ARHGAP24: variants seen among roughly 807,000 people sequenced by gnomAD.
The protein encoded by ARHGAP24 is rho GTPase-activating protein 24.
In ARHGAP24, 50 loss-of-function variants were observed where a neutral mutation model predicts 76.4. That is an observed-to-expected ratio of 0.65 (90% CI 0.52 to 0.83). The LOEUF (loss-of-function observed/expected upper bound fraction) is 0.83. Ranked by LOEUF, ARHGAP24 falls within the 40% of genes least tolerant of loss-of-function variation. ARHGAP24 has a pLI of 0.00. For synonymous variants in ARHGAP24, 345 were observed against 323.3 expected, an observed-to-expected ratio of 1.07 and a Z score of -0.72; for missense variants, 930 against 914.2, an observed-to-expected ratio of 1.02 and a Z score of -0.22.
chr4:85,574,093 G>GT (rs1191510164), intron 2 of ARHGAP24, among the ~76,000 whole-genome samples: 1 of 151,820 alleles, frequency 6.6e-6, no homozygotes, highest in East Asian at 1.9e-4. Flanking sequence ...CTTGCTTTTT[G>GT]TTTTTTTACT....
chr4:85,516,950 T>C lies in ARHGAP24; in HGVS notation c.-21+41391T>C, dbSNP rs186928910. 3.1e-3 allele frequency among the ~76,000 whole-genome samples: 475 copies of C among 152,312 alleles called. 2 individuals carry two copies. Among genetic ancestry groups the C allele is most frequent in the African/African-American group, 0.011 (439 of 41,592 alleles). ...AATTCATTTGTAGTTTACTCTGGTA[T>C]GTAGTGTGAGATATGGATCCACTTT... On this transcript the variant is annotated intron_variant, in intron 1 of 9. Coordinates refer to ENST00000395184, the MANE Select transcript of ARHGAP24 (RefSeq NM_001025616.3).
At chr4:85,883,935 A>C (rs1003178663) in intron 3 of ARHGAP24, among the ~76,000 whole-genome samples, 1 of 152,158 alleles carries the variant, frequency 6.6e-6, no homozygotes, top group Non-Finnish European at 1.5e-5. Context: ...TTTATCTATA[A>C]AGTAGAGATT....
At chr4:85,712,343 T>C (rs1166827099) in intron 2 of ARHGAP24, among the ~76,000 whole-genome samples, 3 of 152,168 alleles carry the variant, frequency 2.0e-5, no homozygotes, top group African/African-American at 7.2e-5. Flanking sequence ...TTAGGACCAT[T>C]TACCAGCATT....
In ARHGAP24 at chr4:85,663,192, A is replaced by G. The variant is rs568844040; in HGVS notation, c.181-58693A>G. 6.1e-3 allele frequency among the ~76,000 whole-genome samples: 909 copies of G among 149,808 alleles called. 11 individuals are homozygous for G. The highest frequency in any genetic ancestry group is 0.021 in the African/African-American group (849 of 40,748). The stretch of plus-strand genomic sequence containing the variant: ...ATTTGTTTGTATCCTCTTTTATTTC[A>G]TTGAGCAGTGGTTTGTAGTTCTCCT... On this transcript the variant is annotated intron_variant, in intron 2 of 9. Coordinates refer to ENST00000395184, the MANE Select transcript of ARHGAP24 (RefSeq NM_001025616.3).
At chr4:85,827,902 C>G in intron 3 of ARHGAP24, 2 of 1,289,634 alleles carry the variant, frequency 1.6e-6, no homozygotes, top group Non-Finnish European at 2.0e-6. Context: ...CAGGACAGAG[C>G]AGCTGCTCTG....
chr4:85,530,074 C>A (rs1434335196), intron 1 of ARHGAP24, among the ~76,000 whole-genome samples: 1 of 151,820 alleles, frequency 6.6e-6, no homozygotes, highest in East Asian at 1.9e-4. Context: ...GAAAGTATTA[C>A]TTTTCAGTTC....
chr4:85,571,949 A>G (rs576478253), intron 2 of ARHGAP24, among the ~76,000 whole-genome samples: 17 of 152,332 alleles, frequency 1.1e-4, no homozygotes, highest in African/African-American at 3.8e-4. Flanking sequence ...CATTGTAAGT[A>G]AATTAAGAAG....
At position 86,001,470 on chromosome 4, in the gene ARHGAP24, G is replaced by A. The variant is rs973252373; in HGVS notation, c.*748G>A. On this transcript the variant is annotated 3_prime_UTR_variant, in exon 10 of 10. Coordinates refer to ENST00000395184, the MANE Select transcript of ARHGAP24 (RefSeq NM_001025616.3). ...ATCCTCAGTGCGTATCGCCAATGCA[G>A]GATGCTCCTTAGAAAAGAAAAAATG... The A allele has an allele frequency of 2.5e-6, 1 of 398,712 alleles. No homozygotes were observed. Among genetic ancestry groups the A allele is most frequent in the Non-Finnish European group, 4.4e-6 (1 of 226,048 alleles). The allele number at this position is 398,712 out of a possible 1,614,324, so 24.7% of individuals were successfully genotyped here. A position where few individuals can be genotyped will look rare whatever the true frequency, so the allele number is the denominator to read the frequency against.
intron 2 of ARHGAP24, among the ~76,000 whole-genome samples, chr4:85,709,009 T>A (rs1724421356): frequency 6.6e-6 from 1 of 152,214 alleles, no homozygotes; most frequent in African/African-American, 2.4e-5. Context: ...TTAGGTGGCT[T>A]CATTTAATCA....
intron 2 of ARHGAP24, among the ~76,000 whole-genome samples, chr4:85,633,341 G>A (rs1721218892): frequency 6.6e-6 from 1 of 151,826 alleles, no homozygotes; most frequent in East Asian, 1.9e-4. Flanking sequence ...TGTTTAGAAA[G>A]TTACCCAGTA....
chr4:85,696,218 A>T (rs1723860279), intron 2 of ARHGAP24, among the ~76,000 whole-genome samples: 1 of 151,804 alleles, frequency 6.6e-6, no homozygotes, highest in African/African-American at 2.4e-5. Context: ...TTCCTGATTC[A>T]TCATCAGCTT....
intron 1 of ARHGAP24, among the ~76,000 whole-genome samples, chr4:85,508,484 G>A (rs1724148068): frequency 6.6e-6 from 1 of 152,106 alleles, no homozygotes; most frequent in African/African-American, 2.4e-5. Context: ...TGATGCCTAA[G>A]CATTTGACCT....
chr4:85,787,651 T>A (rs997168829), intron 3 of ARHGAP24, among the ~76,000 whole-genome samples: 1 of 152,196 alleles, frequency 6.6e-6, no homozygotes, highest in Non-Finnish European at 1.5e-5. Flanking sequence ...TTCTTTACCC[T>A]ACCACTAAGA....
At chr4:85,594,139 A>G (rs1728222746) in intron 2 of ARHGAP24, among the ~76,000 whole-genome samples, 2 of 151,472 alleles carry the variant, frequency 1.3e-5, no homozygotes, top group African/African-American at 4.8e-5. Flanking sequence ...GCAGTATTTT[A>G]TAGTTTTTAT....
At chr4:85,882,395 C>G (rs1318072419) in intron 3 of ARHGAP24, among the ~76,000 whole-genome samples, 2 of 152,010 alleles carry the variant, frequency 1.3e-5, no homozygotes, top group Non-Finnish European at 2.9e-5. Flanking sequence ...TTTTTCCATT[C>G]TATGACTCTA....
intron 2 of ARHGAP24, among the ~76,000 whole-genome samples, chr4:85,624,957 C>G (rs1415163184): frequency 6.6e-6 from 1 of 152,038 alleles, no homozygotes; most frequent in African/African-American, 2.4e-5. Flanking sequence ...TTTGATTCTT[C>G]TCTCTTTTCT....
At chr4:85,871,009 A>T (rs768312495) in intron 3 of ARHGAP24, among the ~76,000 whole-genome samples, 3 of 152,116 alleles carry the variant, frequency 2.0e-5, no homozygotes, top group Non-Finnish European at 4.4e-5. Context: ...TATCAAATAG[A>T]TATGAGATTA....
chr4:85,534,980 T>C (rs1314885927), intron 1 of ARHGAP24, among the ~76,000 whole-genome samples: 1 of 151,692 alleles, frequency 6.6e-6, no homozygotes, highest in Non-Finnish European at 1.5e-5. Context: ...AACAAAACTT[T>C]CCTAAAGCTG....
At chr4:85,821,643 T>G (rs898338034) in intron 3 of ARHGAP24, among the ~76,000 whole-genome samples, 5 of 152,198 alleles carry the variant, frequency 3.3e-5, no homozygotes, top group African/African-American at 1.2e-4. Context: ...CCTCGTCCTC[T>G]TAAAATGATG....
Sources: allele counts gnomAD v4.1 joint callset (sites outside exome capture counted in the v4.1 genomes callset), GRCh38; gene constraint gnomAD v4.1.1; transcripts MANE v1.5; gene names NCBI Gene and HGNC (gene_info 2026-07-23, HGNC 2026-07-21).